The following ADGRL3 variants were observed in gnomAD, a reference collection of about 807,000 sequenced individuals.
The protein encoded by ADGRL3 is adhesion G protein-coupled receptor L3, also known as calcium-independent alpha-latrotoxin receptor 3.
A neutral mutation model predicts 153.5 loss-of-function variants in ADGRL3; 62 were observed. The ratio of observed to expected loss-of-function variants is 0.40; its 90% CI spans 0.33 to 0.50. The LOEUF is 0.50. Ranked by LOEUF, ADGRL3 falls within the 20% of genes least tolerant of loss-of-function variation. The pLI is 0.47. For missense variants in ADGRL3, 1,641 were observed against 1,859.4 expected (o/e 0.88, Z 2.16); for synonymous variants, 710 against 672.5 (o/e 1.06, Z -0.86).
At chr4:61,644,489 G>C (rs145655536) in intron 5 of ADGRL3, among the ~76,000 whole-genome samples, 21,100 of 151,662 alleles carry the variant, frequency 0.14, 1,931 homozygotes, top group Non-Finnish European at 0.21. Context: ...GGTATGTTGT[G>C]TCTTCTCTTT....
intron 2 of ADGRL3, among the ~76,000 whole-genome samples, chr4:61,425,701 G>A (rs1197108349): frequency 6.6e-6 from 1 of 152,154 alleles, no homozygotes; most frequent in Non-Finnish European, 1.5e-5. Flanking sequence ...CCACACAGAT[G>A]GTACAGATGT....
At chr4:61,709,804 T>C (rs1395145168) in intron 6 of ADGRL3, among the ~76,000 whole-genome samples, 1 of 152,166 alleles carries the variant, frequency 6.6e-6, no homozygotes, top group Non-Finnish European at 1.5e-5. Flanking sequence ...TTATTAATGA[T>C]TACAATCAAA....
chr4:61,305,243 G>T (rs2094734550), intron 1 of ADGRL3, among the ~76,000 whole-genome samples: 1 of 151,822 alleles, frequency 6.6e-6, no homozygotes, highest in Admixed American at 6.6e-5. Context: ...CTTAAATTGT[G>T]AATATCTTCC....
intron 2 of ADGRL3, among the ~76,000 whole-genome samples, chr4:61,425,131 C>T (rs183872659): frequency 1.2e-3 from 184 of 152,246 alleles, no homozygotes; most frequent in African/African-American, 4.1e-3. Context: ...TTTGTGCAGG[C>T]TATGGTGGGC....
intron 17 of ADGRL3, among the ~76,000 whole-genome samples, chr4:61,971,302 C>A: frequency 6.6e-6 from 1 of 152,018 alleles, no homozygotes; most frequent in Non-Finnish European, 1.5e-5. Context: ...TGCTATCCCT[C>A]CCCGCTCCCA....
At chr4:61,931,342 GCTTT>G (rs1201836144) in intron 13 of ADGRL3, among the ~76,000 whole-genome samples, 2 of 152,152 alleles carry the variant, frequency 1.3e-5, no homozygotes, top group Non-Finnish European at 2.9e-5. Context: ...CATGAAATGT[GCTTT>G]CTAAGTGAAG....
At chr4:61,522,055 CA>C in intron 4 of ADGRL3, among the ~76,000 whole-genome samples, 1 of 152,084 alleles carries the variant, frequency 6.6e-6, no homozygotes, top group Non-Finnish European at 1.5e-5. Context: ...GATTTTCATT[CA>C]ATCGTTCCTT....
rs144082127 is a variant in ADGRL3, at chr4:61,517,707, T to G, written c.259+189T>G. Among the ~76,000 whole-genome samples the G allele has an allele frequency of 3.9e-5, 6 of 152,372 alleles. No individual in the cohort carries two copies. In the East Asian group the frequency reaches 1.2e-3, roughly 29 times the overall value. ...TTAAGGCTTATACAATGCATGCCTG[T>G]TCTACATCAGAGCTTCAACATTATT... is the stretch of plus-strand genomic sequence containing the variant. On this transcript the variant is annotated intron_variant, in intron 4 of 26. Transcript: ENST00000683033.
intron 5 of ADGRL3, among the ~76,000 whole-genome samples, chr4:61,627,256 A>C (rs1193437246): frequency 6.6e-6 from 1 of 152,168 alleles, no homozygotes; most frequent in East Asian, 1.9e-4. Context: ...AAAAAAAATA[A>C]ACTTACTTTT....
At chr4:61,611,910 T>A (rs1449716589) in intron 5 of ADGRL3, among the ~76,000 whole-genome samples, 1 of 152,042 alleles carries the variant, frequency 6.6e-6, no homozygotes, top group Non-Finnish European at 1.5e-5. Flanking sequence ...CAGAGTAAGA[T>A]CGTGTCTAAA....
intron 9 of ADGRL3, among the ~76,000 whole-genome samples, chr4:61,839,933 G>C (rs529411096): frequency 5.3e-4 from 78 of 146,774 alleles, no homozygotes; most frequent in Non-Finnish European, 1.0e-3. Context: ...CTGGGCAACA[G>C]AGCAAGACCC....
Position 61,247,560 on chromosome 4 carries a change from C to T in ADGRL3, c.-240+45795C>T, listed in dbSNP as rs1230841613. Among the ~76,000 whole-genome samples the T allele has an allele frequency of 2.6e-5, 4 of 152,110 alleles. No individual in the cohort carries two copies. In the East Asian group the frequency reaches 7.7e-4, roughly 29 times the overall value. On this transcript the variant is annotated intron_variant, in intron 1 of 26. Transcript: ENST00000683033. ...ATTGCCACAATTCAAAGTTGCCCAT[C>T]TCTCCTCACCCCGAATGGTAATTAG...
intron 5 of ADGRL3, among the ~76,000 whole-genome samples, chr4:61,589,740 A>G (rs532900866): frequency 6.6e-6 from 1 of 152,060 alleles, no homozygotes; most frequent in Non-Finnish European, 1.5e-5. Flanking sequence ...CAGTAGACAG[A>G]TGTTCTAGGC....
At chr4:61,681,467 CG>C (rs1393356533) in intron 6 of ADGRL3, among the ~76,000 whole-genome samples, 1 of 151,574 alleles carries the variant, frequency 6.6e-6, no homozygotes, top group African/African-American at 2.4e-5. Flanking sequence ...AAGAAAATTG[CG>C]GGGGGAAGTA....
intron 5 of ADGRL3, among the ~76,000 whole-genome samples, chr4:61,589,046 C>G (rs552965770): frequency 2.4e-3 from 359 of 152,026 alleles, no homozygotes; most frequent in African/African-American, 8.3e-3. Flanking sequence ...CAAAAATAAG[C>G]CTTTAATCTT....
At chr4:61,317,167 G>C (rs1578241097) in intron 1 of ADGRL3, among the ~76,000 whole-genome samples, 1 of 152,118 alleles carries the variant, frequency 6.6e-6, no homozygotes, top group Admixed American at 6.5e-5. Flanking sequence ...GGTCACTTTT[G>C]TGTGATTATT....
At chr4:61,966,029 G>A (rs994160455) in intron 17 of ADGRL3, among the ~76,000 whole-genome samples, 5 of 152,016 alleles carry the variant, frequency 3.3e-5, no homozygotes, top group African/African-American at 7.2e-5. Flanking sequence ...TGGAAGATCC[G>A]CATTCTGCTT....
intron 1 of ADGRL3, among the ~76,000 whole-genome samples, chr4:61,319,240 T>C (rs1278955713): frequency 6.6e-6 from 1 of 152,168 alleles, no homozygotes; most frequent in Non-Finnish European, 1.5e-5. Flanking sequence ...TGAAAATACA[T>C]GACAACTTTT....
rs1581909769 is a variant in ADGRL3 at position 62,018,601 on chromosome 4, G to C, written c.3396-10254G>C. On this transcript the variant is annotated intron_variant, in intron 21 of 26. Transcript: ENST00000683033. ...ACTGGCAAGAAATGAGGAAGAGAGA[G>C]AGAGAGAAGAACAATATAACTTTCT... Among the ~76,000 whole-genome samples the C allele has an allele frequency of 2.6e-5, 4 of 152,268 alleles. No homozygotes were observed. The South Asian group carries it at 8.3e-4, about 32-fold the overall frequency.
Sources: gnomAD v4.1 joint callset for allele counts (sites outside exome capture counted in the v4.1 genomes callset) on GRCh38, gnomAD v4.1.1 for gene constraint, MANE v1.5 for transcripts, NCBI Gene and HGNC (gene_info 2026-07-23, HGNC 2026-07-21) for gene names.